The following ZNF124 variants were observed in gnomAD, a reference collection of about 807,000 sequenced individuals.
The protein encoded by ZNF124 is zinc finger protein HZF-16.
Under a neutral mutation model 26.6 loss-of-function variants are expected in ZNF124, and 25 were observed. The ratio of observed to expected loss-of-function variants is 0.94; its 90% CI spans 0.68 to 1.31. The LOEUF (loss-of-function observed/expected upper bound fraction) is 1.31. Among genes scored for constraint, ZNF124 ranks in the 40% most tolerant of loss-of-function variants. The probability of loss-of-function intolerance (pLI) is 0.00; values close to 1 mark genes in which losing one functional copy is unlikely to be tolerated. For missense variants in ZNF124, 444 were observed against 422.2 expected (o/e 1.05, Z -0.45); for synonymous variants, 129 against 133.3 (o/e 0.97, Z 0.22).
intron 3 of ZNF124, among the ~76,000 whole-genome samples, chr1:247,145,037 G>C (rs2103108668): frequency 6.6e-6 from 1 of 152,294 alleles, no homozygotes; most frequent in East Asian, 1.9e-4. Flanking sequence ...GCCTCCCAAA[G>C]TGCTGGGATT....
In ZNF124 at chr1:247,157,076, T is replaced by C. The variant is rs756106900; in HGVS notation, c.546A>G (p.Gln182=). ...TGGAACGACTGAAGGCTTTCCCACA[T>C]TGCTTACATTCATAGCGTTTTTCTC... The part of the protein sequence containing the change: ...HTGEKRYECK[Q]CGKAFSRSSH... The change falls in exon 4 of 4, where the codon CAA becomes CAG. Residue 182 remains glutamine, a synonymous_variant. Transcript: ENST00000543802. 6.2e-6 allele frequency: 10 copies of C among 1,614,190 alleles called. No individual in the cohort carries two copies. The highest frequency in any genetic ancestry group is 7.6e-6 in the Non-Finnish European group (9 of 1,180,036).
intron 1 of ZNF124, among the ~76,000 whole-genome samples, chr1:247,163,795 C>T (rs1673627633): frequency 6.6e-6 from 1 of 151,966 alleles, no homozygotes; most frequent in Admixed American, 6.5e-5. Flanking sequence ...CAGCCAGCGT[C>T]ATCCTGGCAG....
intron 3 of ZNF124, among the ~76,000 whole-genome samples, chr1:247,126,158 C>A (rs1000668148): frequency 1.3e-5 from 2 of 151,250 alleles, no homozygotes; most frequent in Admixed American, 1.3e-4. Context: ...ATATTATTCA[C>A]AAATGAATGT....
At chr1:247,125,370 C>A (rs1558368413) in intron 3 of ZNF124, among the ~76,000 whole-genome samples, 1 of 150,360 alleles carries the variant, frequency 6.7e-6, no homozygotes, top group Non-Finnish European at 1.5e-5. Context: ...ATTATGCAAT[C>A]CCACCAGCAG....
chr1:247,139,273 CTTG>C (rs1672565738), intron 3 of ZNF124, among the ~76,000 whole-genome samples: 1 of 152,220 alleles, frequency 6.6e-6, no homozygotes, highest in Non-Finnish European at 1.5e-5. Context: ...ATGTAATACC[CTTG>C]TTGTTTTAAA....
rs971539055 is a variant in ZNF124 at position 247,141,196 on chromosome 1, T to C, written c.219-17325A>G. ...TGGGTGGAACCTGTGGGAGATGAACTGGTCTCCTCTCCTTGGGTCAACTGC... is the reference window on the plus strand; with the variant it reads ...TGGGTGGAACCTGTGGGAGATGAACCGGTCTCCTCTCCTTGGGTCAACTGC... On this transcript the variant is annotated intron_variant, in intron 3 of 3. Coordinates refer to the ZNF124 transcript ENST00000472531. Among the ~76,000 whole-genome samples the C allele has an allele frequency of 3.3e-5, 5 of 152,190 alleles. No homozygotes were observed. The East Asian group carries it at 9.6e-4, about 29-fold the overall frequency.
chr1:247,159,564 G>A, intron 2 of ZNF124, 123 bp downstream of exon 2: 3 of 940,324 alleles, frequency 3.2e-6, no homozygotes, highest in Non-Finnish European at 4.8e-6. Flanking sequence ...TTGCACACTG[G>A]GTCCATGCCT....
Position 247,156,406 on chromosome 1 carries a change from C to T in ZNF124, c.*160G>A, listed in dbSNP as rs1224750876. The stretch of plus-strand genomic sequence containing the variant: ...GAAATGGAAAAATTGAATGCTTTAC[C>T]TTATTGCTTATAGTCATAGGGTTTA... On this transcript the variant is annotated 3_prime_UTR_variant, in exon 4 of 4. Coordinates refer to ENST00000543802, the MANE Select transcript of ZNF124 (RefSeq NM_001297568.2). 8 of 1,284,656 alleles carry T rather than the reference C, an allele frequency of 6.2e-6. No homozygotes were observed. Among genetic ancestry groups the T allele is most frequent in the Admixed American group, 7.4e-5 (2 of 27,078 alleles). The allele number at this position is 1,284,656 out of a possible 1,614,324, so 79.6% of individuals were successfully genotyped here. A position where few individuals can be genotyped will look rare whatever the true frequency, so the allele number is the denominator to read the frequency against.
At chr1:247,151,443 C>T (rs1309166344), downstream of ZNF124, among the ~76,000 whole-genome samples, 2 of 148,318 alleles carry the variant, frequency 1.3e-5, no homozygotes, top group Admixed American at 6.8e-5. Flanking sequence ...CGCGCCACTG[C>T]ACTCCAGCCT....
At chr1:247,145,467 G>A (rs1391665459) in intron 3 of ZNF124, among the ~76,000 whole-genome samples, 1 of 152,058 alleles carries the variant, frequency 6.6e-6, no homozygotes, top group South Asian at 2.1e-4. Flanking sequence ...ATTCTATTGA[G>A]AACGGTCGGG....
intron 1 of ZNF124, among the ~76,000 whole-genome samples, chr1:247,160,030 G>C (rs1398231587): frequency 1.5e-5 from 2 of 135,378 alleles, no homozygotes; most frequent in Non-Finnish European, 3.0e-5. Flanking sequence ...TCTGTTGCCA[G>C]GCTGGAGTGC....
intron 3 of ZNF124, among the ~76,000 whole-genome samples, chr1:247,133,490 C>G (rs1672415634): frequency 1.3e-5 from 2 of 152,028 alleles, no homozygotes. Context: ...ACATAATCAG[C>G]AAATTCTCCA....
At chr1:247,139,084 T>C (rs1479563041) in intron 3 of ZNF124, among the ~76,000 whole-genome samples, 1 of 152,222 alleles carries the variant, frequency 6.6e-6, no homozygotes, top group Non-Finnish European at 1.5e-5. Context: ...ATCTTACATA[T>C]GTTAATTGAT....
chr1:247,131,953 C>T (rs1219649895), intron 3 of ZNF124, among the ~76,000 whole-genome samples: 2 of 152,186 alleles, frequency 1.3e-5, no homozygotes, highest in African/African-American at 4.8e-5. Flanking sequence ...GGGTCCTTTT[C>T]CCTGTGCCAC....
At chr1:247,149,694 G>A (rs1323352356) in intron 3 of ZNF124, among the ~76,000 whole-genome samples, 2 of 152,188 alleles carry the variant, frequency 1.3e-5, no homozygotes, top group Non-Finnish European at 2.9e-5. Flanking sequence ...GGGAAATGGG[G>A]AGACATTGCT....
intron 3 of ZNF124, among the ~76,000 whole-genome samples, chr1:247,147,778 C>A (rs1208557150): frequency 6.6e-6 from 1 of 152,122 alleles, no homozygotes; most frequent in Non-Finnish European, 1.5e-5. Flanking sequence ...GGAATAATCC[C>A]CTCCGGCACT....
At chr1:247,166,698 C>T (rs531045900) in intron 1 of ZNF124, among the ~76,000 whole-genome samples, 1 of 152,186 alleles carries the variant, frequency 6.6e-6, no homozygotes, top group South Asian at 2.1e-4. Flanking sequence ...ACACAGTGTA[C>T]CAAGAATGAA....
chr1:247,141,009 G>A (rs1672612695), intron 3 of ZNF124, among the ~76,000 whole-genome samples: 1 of 152,164 alleles, frequency 6.6e-6, no homozygotes, highest in Non-Finnish European at 1.5e-5. Flanking sequence ...GCAGAGGAAG[G>A]GACCTTAATA....
downstream of ZNF124, among the ~76,000 whole-genome samples, chr1:247,154,599 T>TCTCAAAAGATGCTACAAAA (rs1442456075): frequency 6.6e-6 from 1 of 152,138 alleles, no homozygotes; most frequent in Non-Finnish European, 1.5e-5. Context: ...ATGCAAAATG[T>TCTCAAAAGATGCTACAAAA]CTCAAAAGAT....
Sources: allele counts gnomAD v4.1 joint callset (sites outside exome capture counted in the v4.1 genomes callset), GRCh38; gene constraint gnomAD v4.1.1; transcripts MANE v1.5; gene names NCBI Gene and HGNC (gene_info 2026-07-23, HGNC 2026-07-21).